STXBP5L: variants seen among roughly 807,000 people sequenced by gnomAD.
STXBP5L encodes syntaxin binding protein 5L.
STXBP5L carries 65 observed loss-of-function variants against 144.5 expected under a neutral mutation model. The observed-to-expected ratio is 0.45, with a 90% CI of 0.37 to 0.55. The LOEUF is 0.55. STXBP5L is among the 20% of genes least tolerant of loss of function. STXBP5L has a pLI of 0.00. For synonymous variants in STXBP5L, 505 were observed against 469.6 expected, an observed-to-expected ratio of 1.08 and a Z score of -0.97; for missense variants, 1,298 against 1,405.5, an observed-to-expected ratio of 0.92 and a Z score of 1.22.
chr3:121,094,092 G>A (rs970802655), intron 5 of STXBP5L, among the ~76,000 whole-genome samples: 7 of 151,824 alleles, frequency 4.6e-5, no homozygotes, highest in African/African-American at 1.7e-4. Context: ...TTGAGTGAGT[G>A]TCTTAATCCT....
At chr3:121,313,437 GGGCT>G (rs1391299119) in intron 19 of STXBP5L, among the ~76,000 whole-genome samples, 3 of 107,650 alleles carry the variant, frequency 2.8e-5, no homozygotes, top group African/African-American at 1.2e-4. Flanking sequence ...GCCGGGCGGG[GGGCT>G]GACCCCCCCA....
At chr3:121,059,015 G>T (rs1450107357) in intron 5 of STXBP5L, among the ~76,000 whole-genome samples, 5 of 152,100 alleles carry the variant, frequency 3.3e-5, no homozygotes, top group African/African-American at 1.2e-4. Flanking sequence ...TGTTTCCATT[G>T]CTTTTGGTGT....
intron 20 of STXBP5L, among the ~76,000 whole-genome samples, chr3:121,349,978 T>C (rs529448746): frequency 6.6e-6 from 1 of 152,186 alleles, no homozygotes; most frequent in Non-Finnish European, 1.5e-5. Context: ...AATATTGTTA[T>C]GTGTGAATTT....
chr3:121,320,686 C>T lies in STXBP5L; in HGVS notation c.2176+2146C>T, dbSNP rs181907180. Among the ~76,000 whole-genome samples the T allele has an allele frequency of 2.9e-4, 44 of 150,398 alleles. No individual in the cohort carries two copies. In the East Asian group the frequency reaches 4.5e-3, roughly 15 times the overall value. ...AGCAGATTTAGGAACACCACCACAA[C>T]GCACAACGACCACACTTTTTTTTTT... On this transcript the variant is annotated intron_variant, in intron 20 of 26. Transcript: ENST00000471454.
chr3:121,350,099 G>A (rs1397084500), intron 20 of STXBP5L, among the ~76,000 whole-genome samples: 2 of 152,134 alleles, frequency 1.3e-5, no homozygotes, highest in African/African-American at 4.8e-5. Flanking sequence ...GCTGGTACCA[G>A]TTATTCCTTT....
At chr3:121,048,894 G>T (rs1436733010) in intron 5 of STXBP5L, among the ~76,000 whole-genome samples, 1 of 152,092 alleles carries the variant, frequency 6.6e-6, no homozygotes, top group Non-Finnish European at 1.5e-5. Context: ...GGACAAGTCT[G>T]GCTGCTTTTC....
intron 9 of STXBP5L, among the ~76,000 whole-genome samples, chr3:121,192,600 C>G (rs1347510237): frequency 6.6e-6 from 1 of 152,210 alleles, no homozygotes; most frequent in East Asian, 1.9e-4. Flanking sequence ...ATCAAAACAG[C>G]ATGGTACTGG....
At chr3:121,309,680 A>C (rs1272519886) in intron 19 of STXBP5L, among the ~76,000 whole-genome samples, 3 of 152,184 alleles carry the variant, frequency 2.0e-5, no homozygotes, top group African/African-American at 7.2e-5. Flanking sequence ...GAAACATTTA[A>C]AAAATTATTT....
intron 10 of STXBP5L, among the ~76,000 whole-genome samples, chr3:121,213,195 C>A (rs562541447): frequency 6.6e-6 from 1 of 152,126 alleles, no homozygotes; most frequent in South Asian, 2.1e-4. Context: ...ATTTGAATAC[C>A]CTTTATTTCT....
intron 18 of STXBP5L, among the ~76,000 whole-genome samples, chr3:121,273,543 T>C (rs528736816): frequency 4.6e-5 from 7 of 152,202 alleles, no homozygotes; most frequent in Admixed American, 3.3e-4. Flanking sequence ...GATATGTATA[T>C]TTCTCTCAAG....
intron 7 of STXBP5L, among the ~76,000 whole-genome samples, chr3:121,126,852 A>T (rs2044725883): frequency 6.6e-6 from 1 of 152,192 alleles, no homozygotes; most frequent in Non-Finnish European, 1.5e-5. Context: ...TGGCTTTTTC[A>T]GAGGCTGCAA....
intron 5 of STXBP5L, among the ~76,000 whole-genome samples, chr3:121,046,832 G>T (rs60623553): frequency 0.012 from 1,834 of 151,870 alleles, 35 homozygotes; most frequent in African/African-American, 0.041. Context: ...CTTTTGTATG[G>T]TTTTTTTGCC....
rs369549902 is a variant in STXBP5L, at chr3:121,418,325, A to G, written c.3227-12A>G. On this transcript the variant is annotated splice_polypyrimidine_tract_variant and intron_variant, in intron 25 of 26. Transcript: ENST00000471454. ...ACAAAATGTTTTAAATTGCTATTGCATATATTCTCAGTTGGGGAAGCTTCG... is the reference window on the plus strand; with the variant it reads ...ACAAAATGTTTTAAATTGCTATTGCGTATATTCTCAGTTGGGGAAGCTTCG... The G allele has an allele frequency of 4.3e-6, 7 of 1,610,776 alleles. No individual in the cohort carries two copies. In the African/African-American group the frequency reaches 6.7e-5, roughly 15 times the overall value.
At chr3:120,917,562 G>T (rs917385887) in intron 2 of STXBP5L, among the ~76,000 whole-genome samples, 1 of 152,058 alleles carries the variant, frequency 6.6e-6, no homozygotes, top group Non-Finnish European at 1.5e-5. Flanking sequence ...GGCCATGGTA[G>T]CACATGCCTG....
chr3:121,211,640 G>A (rs866826139), intron 10 of STXBP5L, among the ~76,000 whole-genome samples: 23 of 142,924 alleles, frequency 1.6e-4, no homozygotes, highest in South Asian at 6.7e-4. Flanking sequence ...GTGCAGTGGC[G>A]TGATCTCAGC....
rs759435411 is a variant in STXBP5L at position 121,259,053 on chromosome 3, C to T, written c.1843C>T (p.Arg615Trp). 12 of 1,596,422 alleles carry T rather than the reference C, an allele frequency of 7.5e-6. No homozygotes were observed. The highest frequency in any genetic ancestry group is 2.3e-5 in the South Asian group (2 of 87,744). ...DSIPCLNVKT[R>W]PVRMPPGYQA... ...TTTTTGTTCTTAAAGTGTGAAGACA[C>T]GGCCAGTGCGAATGCCTCCAGGATA... The change falls in exon 18 of 27, where the codon CGG (arginine) becomes TGG (tryptophan). Residue 615 changes from arginine to tryptophan, a missense_variant. Physicochemically the swap from Arg to Trp is moderately radical, Grantham distance 101. Transcript: ENST00000471454.
At chr3:121,111,028 G>A (rs556668957) in intron 5 of STXBP5L, among the ~76,000 whole-genome samples, 20 of 151,848 alleles carry the variant, frequency 1.3e-4, no homozygotes, top group Non-Finnish European at 1.6e-4. Context: ...TGGTCTATTC[G>A]GCTATCAATA....
At chr3:121,368,473 T>C (rs1292600325) in intron 20 of STXBP5L, among the ~76,000 whole-genome samples, 1 of 152,018 alleles carries the variant, frequency 6.6e-6, no homozygotes, top group Non-Finnish European at 1.5e-5. Flanking sequence ...CCTCAGGACT[T>C]TTTCAGGGAT....
chr3:121,004,748 T>G (rs1017967803), intron 3 of STXBP5L, among the ~76,000 whole-genome samples: 1 of 152,070 alleles, frequency 6.6e-6, no homozygotes, highest in Non-Finnish European at 1.5e-5. Flanking sequence ...TTTTTGAGAG[T>G]TTTTAGCATG....
Sources: gnomAD v4.1 joint callset for allele counts (sites outside exome capture counted in the v4.1 genomes callset) on GRCh38, gnomAD v4.1.1 for gene constraint, MANE v1.5 for transcripts, NCBI Gene and HGNC (gene_info 2026-07-23, HGNC 2026-07-21) for gene names.